CACNB4: variants seen among roughly 807,000 people sequenced by gnomAD.
CACNB4 encodes the protein voltage-dependent L-type calcium channel subunit beta-4.
Under a neutral mutation model 71.2 loss-of-function variants are expected in CACNB4, and 32 were observed. The ratio of observed to expected loss-of-function variants is 0.45; its 90% CI spans 0.34 to 0.60. CACNB4 has a LOEUF of 0.60. CACNB4 is among the 20% of genes least tolerant of loss of function. The probability of loss-of-function intolerance (pLI) is 0.01; values close to 1 mark genes in which losing one functional copy is unlikely to be tolerated. For synonymous variants in CACNB4, 231 were observed against 236.9 expected, an observed-to-expected ratio of 0.97 and a Z score of 0.23; for missense variants, 464 against 647.9, an observed-to-expected ratio of 0.72 and a Z score of 3.08.
intron 2 of CACNB4, among the ~76,000 whole-genome samples, chr2:152,053,637 C>T (rs1182808796): frequency 6.6e-6 from 1 of 151,816 alleles, no homozygotes; most frequent in Non-Finnish European, 1.5e-5. Context: ...GATCCTCCCA[C>T]CTGAACCTCC....
rs554064224 is a variant in CACNB4 at position 151,869,873 on chromosome 2, T to C, written c.700-638A>G. ...ACACATTGTCCTAGCTCGATGGGAATGGTGCCCTGGAGGCTGCTCACCTTC... is the reference window on the plus strand; with the variant it reads ...ACACATTGTCCTAGCTCGATGGGAACGGTGCCCTGGAGGCTGCTCACCTTC... On this transcript the variant is annotated intron_variant, in intron 8 of 13. Coordinates refer to ENST00000539935, the MANE Select transcript of CACNB4 (RefSeq NM_000726.5). The C allele has an allele frequency of 2.2e-4, 67 of 303,442 alleles. 3 individuals carry two copies. The South Asian group carries it at 2.9e-3, about 13-fold the overall frequency. The allele number at this position is 303,442 out of a possible 1,614,324, so 18.8% of individuals were successfully genotyped here.
intron 2 of CACNB4, among the ~76,000 whole-genome samples, chr2:152,080,696 T>C (rs1209728115): frequency 1.3e-5 from 2 of 152,118 alleles, no homozygotes; most frequent in East Asian, 1.9e-4. Context: ...GTTTGGATGT[T>C]TTGTCCCCTC....
At chr2:151,883,194 C>A in intron 3 of CACNB4, 57 bp downstream of exon 3, 1 of 1,575,178 alleles carries the variant, frequency 6.3e-7, no homozygotes, top group Non-Finnish European at 8.7e-7. Flanking sequence ...GGAAGAGCAG[C>A]TGGTAGCCAC....
At chr2:151,999,252 T>G (rs1682254826) in intron 2 of CACNB4, among the ~76,000 whole-genome samples, 1 of 152,142 alleles carries the variant, frequency 6.6e-6, no homozygotes, top group African/African-American at 2.4e-5. Context: ...GTCCGCCCCC[T>G]CTGGGTTTTT....
intron 2 of CACNB4, among the ~76,000 whole-genome samples, chr2:151,981,768 A>G (rs546442054): frequency 6.6e-6 from 1 of 152,302 alleles, no homozygotes; most frequent in East Asian, 1.9e-4. Flanking sequence ...CATTGCAAAA[A>G]GCCAACTAAG....
At chr2:151,927,680 C>A (rs761575479) in intron 2 of CACNB4, among the ~76,000 whole-genome samples, 8 of 152,204 alleles carry the variant, frequency 5.3e-5, no homozygotes, top group Non-Finnish European at 1.0e-4. Flanking sequence ...GGTGAGTCAG[C>A]GCAATTGCGT....
intron 9 of CACNB4, among the ~76,000 whole-genome samples, chr2:151,862,343 A>G (rs2099841956): frequency 6.6e-6 from 1 of 152,208 alleles, no homozygotes; most frequent in Non-Finnish European, 1.5e-5. Context: ...TCTTTAAAAC[A>G]ACAGTCTGTG....
At chr2:151,987,264 T>C (rs1361362075) in intron 2 of CACNB4, among the ~76,000 whole-genome samples, 2 of 152,176 alleles carry the variant, frequency 1.3e-5, no homozygotes, top group Non-Finnish European at 1.5e-5. Flanking sequence ...CTACCTGAAC[T>C]TCAAAACGTA....
intron 2 of CACNB4, among the ~76,000 whole-genome samples, chr2:151,962,047 C>A (rs1010170877): frequency 1.3e-5 from 2 of 152,236 alleles, no homozygotes; most frequent in Non-Finnish European, 2.9e-5. Context: ...CATGGCTAAC[C>A]GGTAAGCTCT....
At chr2:151,916,817 A>G (rs2099857641) in intron 2 of CACNB4, among the ~76,000 whole-genome samples, 1 of 152,170 alleles carries the variant, frequency 6.6e-6, no homozygotes, top group Non-Finnish European at 1.5e-5. Flanking sequence ...GTCCAGAGAC[A>G]TTTTTCATTC....
intron 2 of CACNB4, among the ~76,000 whole-genome samples, chr2:152,012,218 T>C (rs948608629): frequency 1.3e-5 from 2 of 152,016 alleles, no homozygotes; most frequent in African/African-American, 4.8e-5. Flanking sequence ...GCCCCTGAGA[T>C]CCTTCCAGTG....
intron 2 of CACNB4, among the ~76,000 whole-genome samples, chr2:151,915,355 T>C (rs2099857186): frequency 6.6e-6 from 1 of 152,134 alleles, no homozygotes; most frequent in Non-Finnish European, 1.5e-5. Context: ...AGCCTGGACG[T>C]ATAGAAATGG....
At chr2:152,019,913 G>A (rs1482373381) in intron 2 of CACNB4, among the ~76,000 whole-genome samples, 1 of 152,202 alleles carries the variant, frequency 6.6e-6, no homozygotes, top group East Asian at 1.9e-4. Context: ...CTGTACCTAT[G>A]GTTGCCAAAA....
rs1373667210 is a variant in CACNB4 at position 152,098,177 on chromosome 2, A to C, written c.147+153T>G. On this transcript the variant is annotated intron_variant, in intron 2 of 13. Coordinates refer to ENST00000539935, the MANE Select transcript of CACNB4 (RefSeq NM_000726.5). This position sits in a 1 kb window ranked among gnomAD's most constrained non-coding sequence, Gnocchi z 5.3. ...CGTCAAGAGCCCAGGCTAGAGGGAG[A>C]GGGACTGAGCCCGAGCACCGGCCGA... Among the ~76,000 whole-genome samples the C allele has an allele frequency of 6.6e-6, 1 of 152,198 alleles. No individual in the cohort carries two copies. The highest frequency in any genetic ancestry group is 1.9e-4 in the East Asian group (1 of 5,186).
chr2:151,870,725 C>A (rs2099844412), intron 7 of CACNB4, 114 bp from the exon 8 acceptor site: 2 of 1,220,612 alleles, frequency 1.6e-6, no homozygotes, highest in East Asian at 2.5e-5. Flanking sequence ...TTATCAAAGT[C>A]CCCACCGAGG....
intron 3 of CACNB4, among the ~76,000 whole-genome samples, chr2:151,882,000 C>T (rs905576264): frequency 2.0e-5 from 3 of 150,910 alleles, no homozygotes; most frequent in Non-Finnish European, 2.9e-5. Flanking sequence ...CTTGCCTCTG[C>T]CTCCCGAGTA....
intron 2 of CACNB4, among the ~76,000 whole-genome samples, chr2:151,884,610 G>A (rs2099848862): frequency 7.1e-6 from 1 of 139,942 alleles, no homozygotes; most frequent in Non-Finnish European, 1.5e-5. Context: ...ACTCCAGCCT[G>A]GGCGACACAG....
chr2:152,085,958 A>G (rs1687639898), intron 2 of CACNB4, among the ~76,000 whole-genome samples: 1 of 152,206 alleles, frequency 6.6e-6, no homozygotes, highest in South Asian at 2.1e-4. Context: ...GTTAGAAAAC[A>G]TACCAAGGTC....
intron 12 of CACNB4, among the ~76,000 whole-genome samples, chr2:151,846,551 T>G (rs2099837636): frequency 6.6e-6 from 1 of 152,082 alleles, no homozygotes; most frequent in Non-Finnish European, 1.5e-5. Flanking sequence ...GTTTTTTGTT[T>G]TGTTTTGTTT....
Sources: allele counts gnomAD v4.1 joint callset (sites outside exome capture counted in the v4.1 genomes callset), GRCh38; gene constraint gnomAD v4.1.1; non-coding constraint Gnocchi (gnomAD v3.1); transcripts MANE v1.5; gene names NCBI Gene and HGNC (gene_info 2026-07-23, HGNC 2026-07-21).